Variants in CCDC158 observed in about 807,000 individuals in gnomAD.
CCDC158 encodes the protein coiled-coil domain containing 158.
A neutral mutation model predicts 138.6 loss-of-function variants in CCDC158; 116 were observed. The ratio of observed to expected loss-of-function variants is 0.84; its 90% CI spans 0.72 to 0.98. The LOEUF (loss-of-function observed/expected upper bound fraction) is 0.98, where lower values mean the gene tolerates loss of function less well. CCDC158 is among the 50% of genes least tolerant of loss of function. The pLI, the probability that CCDC158 is intolerant of heterozygous loss-of-function variation, is 0.00. For synonymous variants in CCDC158, 436 were observed against 442.4 expected (o/e 0.99, Z 0.18); for missense variants, 1,265 against 1,306.1 (o/e 0.97, Z 0.48).
At chr4:76,371,654 G>A in intron 9 of CCDC158, 118 bp from the exon 10 acceptor site, 3 of 1,247,824 alleles carry the variant, frequency 2.4e-6, no homozygotes, top group Non-Finnish European at 3.3e-6. Context: ...AGTTCGTTGT[G>A]AGGCTGGGTG....
At chr4:76,389,032 T>A (rs530693872) in intron 4 of CCDC158, among the ~76,000 whole-genome samples, 8 of 152,020 alleles carry the variant, frequency 5.3e-5, no homozygotes, top group African/African-American at 1.7e-4. Flanking sequence ...CACAAATAAC[T>A]AACTTCAATG....
intron 18 of CCDC158, among the ~76,000 whole-genome samples, chr4:76,344,171 T>C (rs1029926927): frequency 6.6e-6 from 1 of 152,080 alleles, no homozygotes; most frequent in African/African-American, 2.4e-5. Flanking sequence ...GGATACAAAA[T>C]CAATGGGCAA....
At chr4:76,318,838 T>G (rs1719656947) in intron 24 of CCDC158, among the ~76,000 whole-genome samples, 1 of 152,070 alleles carries the variant, frequency 6.6e-6, no homozygotes, top group African/African-American at 2.4e-5. Flanking sequence ...CAGACCAATA[T>G]CCATGATGAT....
chr4:76,353,001 T>A (rs1723194736), intron 16 of CCDC158, 122 bp downstream of exon 16: 1 of 738,948 alleles, frequency 1.4e-6, no homozygotes, highest in Non-Finnish European at 2.1e-6. Flanking sequence ...GCTAGGTGAT[T>A]GGGATACAAC....
intron 9 of CCDC158, among the ~76,000 whole-genome samples, chr4:76,375,920 T>A (rs1725676041): frequency 6.6e-6 from 1 of 152,242 alleles, no homozygotes; most frequent in Admixed American, 6.5e-5. Flanking sequence ...TGTCATGTCA[T>A]CAATTTTTAA....
At chr4:76,351,152 A>T (rs1051909945) in intron 17 of CCDC158, 31 bp from the exon 18 acceptor site, 1 of 1,573,808 alleles carries the variant, frequency 6.4e-7, no homozygotes. Flanking sequence ...AAGCAAAATA[A>T]CTGCCAGCCT....
chr4:76,374,207 A>G (rs577936956), intron 9 of CCDC158, among the ~76,000 whole-genome samples: 1 of 152,344 alleles, frequency 6.6e-6, no homozygotes, highest in South Asian at 2.1e-4. Context: ...ATACAGGAAA[A>G]GAAATGAAAA....
chr4:76,331,331 T>A lies in CCDC158; in HGVS notation c.2942+13A>T, dbSNP rs1720988009. The A allele has an allele frequency of 3.1e-6, 5 of 1,610,794 alleles. No individual in the cohort carries two copies. The Admixed American group carries it at 8.3e-5, about 27-fold the overall frequency. ...AAAGGGACATTTTGAAAATGGGGGC[T>A]GGTATTTCCTACCTACTAAGAGTTT... On this transcript the variant is annotated intron_variant, in intron 21 of 24. Coordinates refer to ENST00000682701, the MANE Select transcript of CCDC158 (RefSeq NM_001394954.1).
chr4:76,319,362 G>A (rs1391486587), intron 24 of CCDC158, among the ~76,000 whole-genome samples: 5 of 142,556 alleles, frequency 3.5e-5, no homozygotes, highest in Admixed American at 2.2e-4. Context: ...GAACCCGACA[G>A]GTGGAGGTTG....
intron 24 of CCDC158, among the ~76,000 whole-genome samples, chr4:76,318,294 A>C (rs1719606014): frequency 6.6e-6 from 1 of 152,154 alleles, no homozygotes; most frequent in Non-Finnish European, 1.5e-5. Flanking sequence ...AAGATAGAAG[A>C]TCCAAATAAG....
At chr4:76,415,400 T>G (rs1369777857) in intron 1 of CCDC158, among the ~76,000 whole-genome samples, 1 of 152,088 alleles carries the variant, frequency 6.6e-6, no homozygotes, top group Non-Finnish European at 1.5e-5. Context: ...GGAAAATCCA[T>G]TTTCTGGGGA....
At chr4:76,334,282 C>A (rs28437621) in intron 18 of CCDC158, 115 bp from the exon 19 acceptor site, 2 of 927,936 alleles carry the variant, frequency 2.2e-6, no homozygotes, top group African/African-American at 3.3e-5. Flanking sequence ...AAGAGGAAAA[C>A]AAAAAAATCA....
At chr4:76,344,497 G>T in intron 18 of CCDC158, 1 of 782,158 alleles carries the variant, frequency 1.3e-6, no homozygotes, top group Non-Finnish European at 2.3e-6. Context: ...AGAGCTACAG[G>T]CTTGTCCTCC....
Position 76,353,420 on chromosome 4 carries a change from T to C in CCDC158, c.2287-139A>G, listed in dbSNP as rs952455703. 5 of 628,480 alleles carry C rather than the reference T, an allele frequency of 8.0e-6. No homozygotes were observed. The African/African-American group carries it at 9.3e-5, about 12-fold the overall frequency. The allele number at this position is 628,480 out of a possible 1,614,324, so 38.9% of individuals were successfully genotyped here. ...ATATGCCATTTAATTGCTTCTGAGT[T>C]GTGGTTGGGAGCTGCTGGGAGTATG... is the stretch of plus-strand genomic sequence containing the variant. On this transcript the variant is annotated intron_variant, in intron 15 of 24. Coordinates refer to ENST00000682701, the MANE Select transcript of CCDC158 (RefSeq NM_001394954.1).
Position 76,384,376 on chromosome 4 carries a change from C to T in CCDC158, c.438G>A (p.Gln146=). 6.2e-7 allele frequency: 1 copy of T among 1,613,858 alleles called. No homozygotes were observed. Reference sequence around the variant, plus strand: ...CAAGTTCATGAACTGTATTTTGAAGCTGATTTCTTAAATCCTCCTGGGACT... The same window carrying T: ...CAAGTTCATGAACTGTATTTTGAAGTTGATTTCTTAAATCCTCCTGGGACT... ...ESQSQEDLRN[Q]LQNTVHELEA... The change falls in exon 6 of 25, where the codon CAG becomes CAA. Residue 146 remains glutamine, a synonymous_variant. Coordinates refer to ENST00000682701, the MANE Select transcript of CCDC158 (RefSeq NM_001394954.1).
chr4:76,411,015 AGGCCTTCCTACATAGTAACTGC>A (rs1461949747), intron 2 of CCDC158, among the ~76,000 whole-genome samples: 3 of 152,208 alleles, frequency 2.0e-5, no homozygotes, highest in Non-Finnish European at 4.4e-5. Flanking sequence ...ACTCACGTGC[AGGCCTTCCTACATAGTAACTGC>A]GGCCTTCCTA....
intron 11 of CCDC158, 109 bp from the exon 12 acceptor site, chr4:76,367,885 T>C: frequency 9.0e-7 from 1 of 1,109,128 alleles, no homozygotes; most frequent in Non-Finnish European, 1.2e-6. Context: ...AGGCAATGTT[T>C]AGTAAGATCT....
chr4:76,392,340 T>C (rs1169715345), intron 4 of CCDC158, among the ~76,000 whole-genome samples: 2 of 152,046 alleles, frequency 1.3e-5, no homozygotes, highest in African/African-American at 4.8e-5. Context: ...ATCAATGTGA[T>C]ACATCATATC....
chr4:76,401,351 T>C, intron 3 of CCDC158: 2 of 507,846 alleles, frequency 3.9e-6, no homozygotes, highest in Non-Finnish European at 7.8e-6. Flanking sequence ...GGATTCTCTG[T>C]ATGCCCAGAG....
Sources: allele counts gnomAD v4.1 joint callset (sites outside exome capture counted in the v4.1 genomes callset), GRCh38; gene constraint gnomAD v4.1.1; transcripts MANE v1.5; gene names NCBI Gene and HGNC (gene_info 2026-07-23, HGNC 2026-07-21).